Variants in TGS1 observed in about 807,000 individuals in gnomAD.
The protein encoded by TGS1 is trimethylguanosine synthase 1.
TGS1 carries 69 observed loss-of-function variants against 92.2 expected under a neutral mutation model. That is an observed-to-expected ratio of 0.75 (90% CI 0.62 to 0.91). The LOEUF (loss-of-function observed/expected upper bound fraction) is 0.91, where lower values mean the gene tolerates loss of function less well. Among genes scored for constraint, TGS1 ranks in the 40% least tolerant of loss-of-function variants. The probability of loss-of-function intolerance (pLI) is 0.00; values close to 1 mark genes in which losing one functional copy is unlikely to be tolerated. For missense variants in TGS1, 1,062 were observed against 1,001.2 expected, an observed-to-expected ratio of 1.06 and a Z score of -0.82; for synonymous variants, 345 against 338.1, an observed-to-expected ratio of 1.02 and a Z score of -0.22.
At chr8:55,808,237 T>C (rs1162668215) in intron 10 of TGS1, among the ~76,000 whole-genome samples, 10 of 152,224 alleles carry the variant, frequency 6.6e-5, no homozygotes, top group Admixed American at 1.3e-4. Context: ...AGAGTAGTGG[T>C]TATTTTCCTT....
At chr8:55,785,341 C>T (rs1323595202) in intron 2 of TGS1, among the ~76,000 whole-genome samples, 1 of 152,136 alleles carries the variant, frequency 6.6e-6, no homozygotes, top group Non-Finnish European at 1.5e-5. Context: ...CAGGTGTGAG[C>T]CACCGTGCCC....
intron 12 of TGS1, among the ~76,000 whole-genome samples, chr8:55,818,100 A>G (rs1329021783): frequency 6.6e-6 from 1 of 152,232 alleles, no homozygotes; most frequent in East Asian, 1.9e-4. Context: ...CACAATGTTC[A>G]TTACCAAGAA....
At chr8:55,791,639 G>A (rs1044831164) in intron 5 of TGS1, among the ~76,000 whole-genome samples, 2 of 152,206 alleles carry the variant, frequency 1.3e-5, no homozygotes, top group Non-Finnish European at 2.9e-5. Context: ...AACAACGTGC[G>A]TGACCTCTCT....
At chr8:55,797,203 G>A (rs1430548020) in intron 7 of TGS1, among the ~76,000 whole-genome samples, 2 of 152,156 alleles carry the variant, frequency 1.3e-5, no homozygotes, top group African/African-American at 2.4e-5. Context: ...GGTGGAAAGG[G>A]AAGCAAACAA....
chr8:55,810,854 C>T (rs1464656891), intron 10 of TGS1, 27 bp from the exon 11 acceptor site: 2 of 1,564,174 alleles, frequency 1.3e-6, no homozygotes, highest in South Asian at 2.2e-5. Flanking sequence ...TGTCAATTAA[C>T]TCATTTTTTT....
At chr8:55,784,198 T>C (rs183857110) in intron 2 of TGS1, among the ~76,000 whole-genome samples, 3 of 152,298 alleles carry the variant, frequency 2.0e-5, no homozygotes, top group Admixed American at 2.0e-4. Context: ...TTAAAGTTAA[T>C]AGAGCACTTG....
chr8:55,804,132 T>A (rs1366781872), intron 9 of TGS1, among the ~76,000 whole-genome samples: 1 of 152,174 alleles, frequency 6.6e-6, no homozygotes, highest in Non-Finnish European at 1.5e-5. Flanking sequence ...CCTTGCTTTT[T>A]CCGACCCTTT....
At chr8:55,793,860 C>T (rs959904254) in intron 6 of TGS1, among the ~76,000 whole-genome samples, 44 of 151,846 alleles carry the variant, frequency 2.9e-4, no homozygotes, top group African/African-American at 9.2e-4. Context: ...TCAGGTGATC[C>T]GCCCACCTTG....
intron 1 of TGS1, among the ~76,000 whole-genome samples, chr8:55,779,185 T>G (rs1811484445): frequency 6.6e-6 from 1 of 152,224 alleles, no homozygotes; most frequent in Admixed American, 6.5e-5. Context: ...TTATAGAGAC[T>G]ACTTAGCAAG....
At position 55,795,975 on chromosome 8, in the gene TGS1, C is replaced by G. The variant is rs1376055833; in HGVS notation, c.1368-3C>G. ...GTGAATAACTTCTTTTGATCTGTCA[C>G]AGATATGGTGGAATCCCAAATTTCA... On this transcript the variant is annotated splice_polypyrimidine_tract_variant and splice_region_variant and intron_variant, in intron 6 of 12. Coordinates refer to ENST00000260129, the MANE Select transcript of TGS1 (RefSeq NM_024831.8). 7 of 1,610,302 alleles carry G rather than the reference C, an allele frequency of 4.3e-6. No individual in the cohort carries two copies. Among genetic ancestry groups the G allele is most frequent in the Admixed American group, 1.7e-5 (1 of 59,650 alleles).
chr8:55,816,036 C>T (rs1803466932), intron 12 of TGS1, among the ~76,000 whole-genome samples: 1 of 151,996 alleles, frequency 6.6e-6, no homozygotes, highest in Non-Finnish European at 1.5e-5. Context: ...TCACTGCAAC[C>T]TCAAATTCCT....
intron 4 of TGS1, among the ~76,000 whole-genome samples, chr8:55,789,755 G>A (rs1427040425): frequency 6.6e-6 from 1 of 152,216 alleles, no homozygotes; most frequent in Non-Finnish European, 1.5e-5. Flanking sequence ...CGTACAGAAG[G>A]TGGAAGTGAG....
intron 5 of TGS1, among the ~76,000 whole-genome samples, chr8:55,791,806 G>A (rs1217696158): frequency 6.6e-6 from 1 of 151,960 alleles, no homozygotes; most frequent in African/African-American, 2.4e-5. Flanking sequence ...TTTTCTTGAA[G>A]GTTTATACAC....
intron 12 of TGS1, among the ~76,000 whole-genome samples, chr8:55,823,454 A>C (rs895898739): frequency 1.3e-5 from 2 of 152,232 alleles, no homozygotes; most frequent in African/African-American, 4.8e-5. Context: ...ACTATATTCT[A>C]GTAGACCTCA....
chr8:55,809,384 C>T lies in TGS1; in HGVS notation c.2144-1497C>T, dbSNP rs187759934. ...CTGTGCTGTCCAATATGATAGCCAG[C>T]TAGTAGCCACATGTGGCTATTAAGC... On this transcript the variant is annotated intron_variant, in intron 10 of 12. Transcript: ENST00000260129. Among the ~76,000 whole-genome samples the T allele has an allele frequency of 3.1e-3, 471 of 151,838 alleles. 5 individuals are homozygous for T. The highest frequency in any genetic ancestry group is 0.01 in the African/African-American group (418 of 41,372).
chr8:55,785,585 A>G, intron 2 of TGS1, 134 bp from the exon 3 acceptor site: 1 of 613,152 alleles, frequency 1.6e-6, no homozygotes, highest in Admixed American at 3.6e-5. Flanking sequence ...TCTCTAAAAA[A>G]TAAAAAAAAT....
chr8:55,799,168 G>T lies in TGS1; in HGVS notation c.1797G>T (p.Glu599Asp). ...GCTTGCTAGCAACTGTTCCAGATGA[G>T]CAGGATTGTGTTACTCAAGAAGTGC... is the stretch of plus-strand genomic sequence containing the variant. The part of the protein sequence containing the change: ...RDSLLATVPD[E>D]QDCVTQEVPD... Residue 599 changes from glutamate to aspartate, a missense_variant, in exon 8 of 13, where the codon GAG (glutamate) becomes GAT (aspartate). Physicochemically the swap from Glu to Asp is conservative, Grantham distance 45 (BLOSUM62 2). Coordinates refer to ENST00000260129, the MANE Select transcript of TGS1 (RefSeq NM_024831.8). 6.2e-7 allele frequency: 1 copy of T among 1,614,188 alleles called. No homozygotes were observed. Among genetic ancestry groups the T allele is most frequent in the Non-Finnish European group, 8.5e-7 (1 of 1,180,036 alleles).
At position 55,786,260 on chromosome 8, in the gene TGS1, A is replaced by C. The variant is rs757381250; in HGVS notation, c.362A>C (p.Lys121Thr). The change falls in exon 4 of 13, where the codon AAA becomes ACA. Residue 121 changes from lysine to threonine, a missense_variant. Physicochemically the swap from Lys to Thr is moderately conservative, Grantham distance 78. Coordinates refer to ENST00000260129, the MANE Select transcript of TGS1 (RefSeq NM_024831.8). ...TAGGTATCTATGAATACTAGAAATA[A>C]AGTTAAAATAAAAAAGAAAAAACAT... Reference protein sequence around the residue: ...DFEVSMNTRNKVKIKKKKHQK... With the variant: ...DFEVSMNTRNTVKIKKKKHQK... 20 of 1,440,900 alleles carry C rather than the reference A, an allele frequency of 1.4e-5. No homozygotes were observed. The highest frequency in any genetic ancestry group is 1.8e-5 in the Non-Finnish European group (19 of 1,061,316). 89.3% of individuals were successfully genotyped at this position (1,440,900 alleles called of 1,614,324 possible).
At position 55,799,208 on chromosome 8, in the gene TGS1, G is replaced by A; in HGVS notation, c.1837G>A (p.Ala613Thr). The A allele has an allele frequency of 6.2e-7, 1 of 1,607,852 alleles. No homozygotes were observed. The highest frequency in any genetic ancestry group is 8.5e-7 in the Non-Finnish European group (1 of 1,177,568). ...VTQEVPDSRQ[A>T]ETEAEVKKKK... ...TCAAGAAGTGCCAGACTCCCGCCAG[G>A]CAGAAACTGAAGGTAACACTAAATA... The change falls in exon 8 of 13, where the codon GCA (alanine) becomes ACA (threonine). Residue 613 changes from alanine to threonine, a missense_variant. Ala to Thr is a moderately conservative substitution (Grantham distance 58). Transcript: ENST00000260129.
Sources: gnomAD v4.1 joint callset for allele counts (sites outside exome capture counted in the v4.1 genomes callset) on GRCh38, gnomAD v4.1.1 for gene constraint, MANE v1.5 for transcripts, NCBI Gene and HGNC (gene_info 2026-07-23, HGNC 2026-07-21) for gene names.